The following MTFR1 variants were observed in gnomAD, a reference collection of about 807,000 sequenced individuals.
MTFR1 encodes the protein mitochondrial fission regulator 1, also known as chondrocyte protein with a poly-proline region.
MTFR1 carries 28 observed loss-of-function variants against 38.8 expected under a neutral mutation model. The observed-to-expected ratio is 0.72, with a 90% CI of 0.53 to 0.99. The LOEUF is 0.99. Ranked by LOEUF, MTFR1 falls within the 50% of genes least tolerant of loss-of-function variation. The pLI is 0.00. For missense variants in MTFR1, 358 were observed against 395.5 expected (o/e 0.91, Z 0.81); for synonymous variants, 145 against 137.0 (o/e 1.06, Z -0.41).
At chr8:65,773,356 T>C (rs1809166336), downstream of MTFR1, among the ~76,000 whole-genome samples, 1 of 152,232 alleles carries the variant, frequency 6.6e-6, no homozygotes, top group South Asian at 2.1e-4. Context: ...TAGGACCAAG[T>C]CTATAGCAAG....
intron 3 of MTFR1, among the ~76,000 whole-genome samples, chr8:65,765,215 C>T (rs968339185): frequency 2.0e-5 from 3 of 152,198 alleles, no homozygotes; most frequent in Non-Finnish European, 2.9e-5. Context: ...GCGAGCCGGG[C>T]GCGGTGGCTC....
At chr8:65,747,362 C>T (rs1807720948) in intron 3 of MTFR1, among the ~76,000 whole-genome samples, 1 of 152,146 alleles carries the variant, frequency 6.6e-6, no homozygotes, top group Admixed American at 6.5e-5. Flanking sequence ...CCCAGCATTA[C>T]AATTCTGTGA....
chr8:65,648,249 C>T (rs1809017559), intron 1 of MTFR1, among the ~76,000 whole-genome samples: 1 of 152,110 alleles, frequency 6.6e-6, no homozygotes, highest in Admixed American at 6.6e-5. Flanking sequence ...GATCTCCTGA[C>T]CTCGTGATTC....
chr8:65,775,596 T>C (rs897490847), downstream of MTFR1, among the ~76,000 whole-genome samples: 1 of 152,238 alleles, frequency 6.6e-6, no homozygotes, highest in Non-Finnish European at 1.5e-5. Flanking sequence ...CTAGTATCAG[T>C]GATCCTACGT....
intron 1 of MTFR1, among the ~76,000 whole-genome samples, chr8:65,665,689 G>A (rs1016185527): frequency 1.9e-4 from 29 of 152,064 alleles, no homozygotes; most frequent in African/African-American, 6.5e-4. Flanking sequence ...AAAGAGATGG[G>A]GTCTCGCTTT....
chr8:65,724,374 T>C (rs1290079051), intron 3 of MTFR1: 2 of 1,521,940 alleles, frequency 1.3e-6, no homozygotes, highest in East Asian at 4.5e-5. Flanking sequence ...ACATTAATAT[T>C]GTTTTAAGAT....
At chr8:65,719,532 G>T in intron 3 of MTFR1, 1 of 1,310,360 alleles carries the variant, frequency 7.6e-7, no homozygotes, top group Non-Finnish European at 1.1e-6. Context: ...TAACATATAT[G>T]CTGAAACTCT....
intron 3 of MTFR1, chr8:65,747,545 T>C (rs554694171): frequency 3.2e-6 from 2 of 627,886 alleles, no homozygotes; most frequent in Admixed American, 7.9e-5. Context: ...CTCAACTGCT[T>C]TTCATAGACA....
intron 2 of MTFR1, among the ~76,000 whole-genome samples, chr8:65,715,996 CAAAAAAAA>C (rs779701295): frequency 2.4e-4 from 8 of 33,860 alleles, no homozygotes; most frequent in South Asian, 4.6e-3. Flanking sequence ...GGCTCTGTCT[CAAAAAAAA>C]AAAAAAAAAA....
At chr8:65,712,149 C>T (rs950722221), downstream of MTFR1, among the ~76,000 whole-genome samples, 2 of 152,190 alleles carry the variant, frequency 1.3e-5, no homozygotes, top group African/African-American at 4.8e-5. Context: ...TGAAAGAAAG[C>T]GTATTCCCCA....
intron 3 of MTFR1, chr8:65,727,291 G>C (rs759254631): frequency 1.2e-6 from 2 of 1,612,030 alleles, no homozygotes; most frequent in Non-Finnish European, 8.5e-7. Flanking sequence ...AGGAGTTACA[G>C]AATTGGCAAG....
chr8:65,652,633 G>T (rs1435847452), intron 1 of MTFR1, among the ~76,000 whole-genome samples: 3 of 152,182 alleles, frequency 2.0e-5, no homozygotes, highest in Non-Finnish European at 4.4e-5. Context: ...TATTGTAAAT[G>T]GGATTAATTT....
At chr8:65,735,252 A>G (rs186485958) in intron 3 of MTFR1, among the ~76,000 whole-genome samples, 1 of 152,278 alleles carries the variant, frequency 6.6e-6, no homozygotes, top group African/African-American at 2.4e-5. Context: ...GGGACAGACC[A>G]TCAGAATTCT....
chr8:65,675,361 C>T (rs1218666795), intron 2 of MTFR1, among the ~76,000 whole-genome samples: 2 of 151,612 alleles, frequency 1.3e-5, no homozygotes, highest in African/African-American at 2.4e-5. Flanking sequence ...TTTGGGAGGC[C>T]GAGGCGGGTG....
At chr8:65,648,253 G>A (rs140146852) in intron 1 of MTFR1, among the ~76,000 whole-genome samples, 2,733 of 152,202 alleles carry the variant, frequency 0.018, 35 homozygotes, top group Middle Eastern at 0.034. Flanking sequence ...TCCTGACCTC[G>A]TGATTCGCCC....
Position 65,768,671 on chromosome 8 carries a change from T to C in MTFR1, c.*49-2276T>C, listed in dbSNP as rs368813792. 5.9e-5 allele frequency among the ~76,000 whole-genome samples: 9 copies of C among 152,300 alleles called. No homozygotes were observed. The East Asian group carries it at 1.7e-3, about 29-fold the overall frequency. ...TCTCTTTTAATCACAAAATAGAACA[T>C]TTCCCAGAGAAGAAAATACTATTTC... is the stretch of plus-strand genomic sequence containing the variant. On this transcript the variant is annotated intron_variant, in intron 3 of 3. Transcript: ENST00000521247.
chr8:65,776,166 G>C (rs1209540958), downstream of MTFR1, among the ~76,000 whole-genome samples: 3 of 151,700 alleles, frequency 2.0e-5, no homozygotes, highest in South Asian at 2.1e-4. Context: ...GTGTGAACAG[G>C]GTCCAAGATT....
At chr8:65,756,090 ATTCCCTTCTGGCCACCAAGG>A in intron 3 of MTFR1, among the ~76,000 whole-genome samples, 1 of 152,326 alleles carries the variant, frequency 6.6e-6, no homozygotes, top group Non-Finnish European at 1.5e-5. Context: ...ATGTTAGTTT[ATTCCCTTCTGGCCACCAAGG>A]TTCTTAATGA....
At chr8:65,737,513 T>C (rs925437112) in intron 3 of MTFR1, among the ~76,000 whole-genome samples, 3 of 152,154 alleles carry the variant, frequency 2.0e-5, no homozygotes, top group Admixed American at 6.5e-5. Context: ...TAATTATTAT[T>C]ATTATTTTTG....
Sources: gnomAD v4.1 joint callset for allele counts (sites outside exome capture counted in the v4.1 genomes callset) on GRCh38, gnomAD v4.1.1 for gene constraint, MANE v1.5 for transcripts, NCBI Gene and HGNC (gene_info 2026-07-23, HGNC 2026-07-21) for gene names.